PHKA1: variants seen among roughly 807,000 people sequenced by gnomAD.
PHKA1 encodes phosphorylase b kinase regulatory subunit alpha, skeletal muscle isoform.
Under a neutral mutation model 110.2 loss-of-function variants are expected in PHKA1, and 60 were observed. The observed-to-expected ratio is 0.54, with a 90% confidence interval of 0.44 to 0.68. The LOEUF is 0.68. Among genes scored for constraint, PHKA1 ranks in the 30% least tolerant of loss-of-function variants. The pLI is 0.00. For synonymous variants in PHKA1, 316 were observed against 333.6 expected (o/e 0.95, Z 0.58); for missense variants, 801 against 942.5 (o/e 0.85, Z 1.97).
rs566157633 is a variant in PHKA1, at chrX:72,659,370, C to T, written c.865-1729G>A. ...ATCCTCCCTGCCCCAGTCAAATCAA[C>T]CACTTCTCCAAGGAGCCCTAAGTCC... On this transcript the variant is annotated intron_variant, in intron 8 of 31. Transcript: ENST00000373542. 4.3e-4 allele frequency among the ~76,000 whole-genome samples: 48 copies of T among 111,387 alleles called. No homozygotes were observed. The South Asian group carries it at 9.3e-3, about 22-fold the overall frequency.
At chrX:72,653,611 G>T in intron 10 of PHKA1, 81 bp from the exon 11 acceptor site, 1 of 618,890 alleles carries the variant, frequency 1.6e-6, no homozygotes, top group Non-Finnish European at 2.7e-6. Flanking sequence ...AGCCAAAGAA[G>T]GTCCTATTGC....
chrX:72,663,501 T>C (rs1443215139), intron 8 of PHKA1, among the ~76,000 whole-genome samples: 1 of 111,183 alleles, frequency 9.0e-6, no homozygotes, highest in African/African-American at 3.3e-5. Flanking sequence ...GGGAAAAATA[T>C]GGATATCCAG....
intron 14 of PHKA1, 90 bp downstream of exon 14, chrX:72,644,272 G>T: frequency 1.0e-6 from 1 of 979,243 alleles, no homozygotes; most frequent in Non-Finnish European, 1.4e-6. Context: ...GCTTAATAAA[G>T]CAATACACAA....
chrX:72,602,252 A>T lies in PHKA1; in HGVS notation c.2939T>A (p.Val980Asp). 8.4e-7 allele frequency: 1 copy of T among 1,185,065 alleles called. No individual in the cohort carries two copies. The highest frequency in any genetic ancestry group is 1.1e-6 in the Non-Finnish European group (1 of 871,322). The change falls in exon 27 of 32, where the codon GTC becomes GAC. Residue 980 changes from valine to aspartate, a missense_variant. Around this residue, in one of 2 missense-constraint regions of PHKA1, gnomAD observed 502 missense variants for 519.2 expected, o/e 0.97. Transcript: ENST00000373542. ...CTCGTGGATAGAAATAGCAGGACTG[A>T]CATTTGAATCAGTGGGACGAACTAT... ...ERSVRPTDSN[V>D]SPAISIHEIG...
At chrX:72,669,279 T>C (rs1237829032) in intron 6 of PHKA1, among the ~76,000 whole-genome samples, 3 of 112,065 alleles carry the variant, frequency 2.7e-5, no homozygotes, top group Non-Finnish European at 5.6e-5. Flanking sequence ...AGTGTTGCTC[T>C]AGCGGGGGCT....
chrX:72,605,428 A>C, intron 24 of PHKA1, 28 bp from the exon 25 acceptor site: 1 of 1,202,315 alleles, frequency 8.3e-7, no homozygotes, highest in Non-Finnish European at 1.1e-6. Flanking sequence ...ATAGACAAAA[A>C]TAATGGCCTA....
At position 72,612,675 on chromosome X, in the gene PHKA1, T is replaced by A. The variant is rs782445180; in HGVS notation, c.2370-1491A>T. Among the ~76,000 whole-genome samples the A allele has an allele frequency of 5.4e-5, 6 of 111,582 alleles. No homozygotes were observed. In the South Asian group the frequency reaches 2.3e-3, roughly 43 times the overall value. On this transcript the variant is annotated intron_variant, in intron 21 of 31. Transcript: ENST00000373542. ...ACACAATTATTCAGAAAATATGAAG[T>A]AGATCTAGATTGTGGTAATATATTT...
At chrX:72,631,909 G>C (rs1556288542) in intron 16 of PHKA1, among the ~76,000 whole-genome samples, 1 of 111,678 alleles carries the variant, frequency 9.0e-6, no homozygotes, top group African/African-American at 3.2e-5. Context: ...ATATGATTTT[G>C]ACCAAATCTC....
intron 9 of PHKA1, 82 bp from the exon 10 acceptor site, chrX:72,656,324 T>C (rs2053497156): frequency 1.0e-6 from 1 of 1,004,099 alleles, no homozygotes; most frequent in African/African-American, 1.9e-5. Flanking sequence ...ATACGGGTTT[T>C]CATTACTGAT....
At position 72,650,386 on chromosome X, in the gene PHKA1, A is replaced by G. The variant is rs782497578; in HGVS notation, c.1324+4T>C. On this transcript the variant is annotated splice_donor_region_variant and intron_variant, in intron 13 of 31. Coordinates refer to ENST00000373542, the MANE Select transcript of PHKA1 (RefSeq NM_002637.4). ...TTTCTTCCACTGGGAATAAGAATAC[A>G]TACCTTGAACCACAACATCGGGCTT... is the stretch of plus-strand genomic sequence containing the variant. 8.3e-7 allele frequency: 1 copy of G among 1,202,142 alleles called. No individual in the cohort carries two copies. Among genetic ancestry groups the G allele is most frequent in the Admixed American group, 2.2e-5 (1 of 46,038 alleles).
rs782775764 is a variant in PHKA1 at position 72,593,398 on chromosome X, G to A, written c.3073-124C>T. 2.1e-4 allele frequency: 108 copies of A among 518,499 alleles called. 1 individual carries two copies. Among genetic ancestry groups the A allele is most frequent in the African/African-American group, 2.0e-3 (84 of 41,801 alleles). The allele number at this position is 518,499 out of a possible 1,213,427, so 42.7% of individuals were successfully genotyped here. ...GTCGCCCAGGCTGGAGTGCAGTGGCGTGGCGCAATCTCGGCTCACTGCAAG... is the reference window on the plus strand; with the variant it reads ...GTCGCCCAGGCTGGAGTGCAGTGGCATGGCGCAATCTCGGCTCACTGCAAG... On this transcript the variant is annotated intron_variant, in intron 28 of 31. Transcript: ENST00000373542.
In PHKA1 at chrX:72,629,185, A is replaced by G. The variant is rs2053130457; in HGVS notation, c.1715-2136T>C. On this transcript the variant is annotated intron_variant, in intron 16 of 31. Coordinates refer to ENST00000373542, the MANE Select transcript of PHKA1 (RefSeq NM_002637.4). Reference sequence around the variant, plus strand: ...TTTTATTATTATTGGGAATTGCCTGAATTGATATAATGAAAGTGGGTAATT... The same window carrying G: ...TTTTATTATTATTGGGAATTGCCTGGATTGATATAATGAAAGTGGGTAATT... 7.2e-5 allele frequency among the ~76,000 whole-genome samples: 8 copies of G among 111,524 alleles called. No individual in the cohort carries two copies. The Admixed American group carries it at 7.6e-4, about 11-fold the overall frequency.
At chrX:72,635,506 C>A (rs782192612) in intron 15 of PHKA1, among the ~76,000 whole-genome samples, 1 of 111,434 alleles carries the variant, frequency 9.0e-6, no homozygotes, top group Admixed American at 9.5e-5. Flanking sequence ...CTGCAGTTTA[C>A]GAAGTATTTT....
intron 28 of PHKA1, among the ~76,000 whole-genome samples, chrX:72,593,978 A>C (rs782587436): frequency 1.8e-4 from 20 of 111,999 alleles, no homozygotes; most frequent in Non-Finnish European, 3.4e-4. Flanking sequence ...TATGTTCTCT[A>C]ACCACAACAG....
chrX:72,685,404 G>A (rs1296773469), intron 4 of PHKA1, among the ~76,000 whole-genome samples: 2 of 111,465 alleles, frequency 1.8e-5, no homozygotes, highest in Non-Finnish European at 3.8e-5. Flanking sequence ...TATCTTTGGT[G>A]GTGAGATTCA....
At chrX:72,644,666 A>C (rs1556296681) in intron 13 of PHKA1, among the ~76,000 whole-genome samples, 170 bp from the exon 14 acceptor site, 1 of 112,355 alleles carries the variant, frequency 8.9e-6, no homozygotes, top group African/African-American at 3.2e-5. Flanking sequence ...AATATTATCT[A>C]AAAGGAAAAG....
At chrX:72,671,260 A>G (rs1226926393) in intron 6 of PHKA1, among the ~76,000 whole-genome samples, 13 of 111,494 alleles carry the variant, frequency 1.2e-4, no homozygotes, top group Non-Finnish European at 1.9e-4. Flanking sequence ...AAATCAATGT[A>G]CAAAAATCAC....
chrX:72,592,952 G>T lies in PHKA1; in HGVS notation c.3243+152C>A, dbSNP rs782591584. The T allele has an allele frequency of 1.1e-5, 5 of 472,268 alleles. No individual in the cohort carries two copies. The South Asian group carries it at 1.3e-4, about 12-fold the overall frequency. The allele number at this position is 472,268 out of a possible 1,213,427, so 38.9% of individuals were successfully genotyped here. On this transcript the variant is annotated intron_variant, in intron 29 of 31. Coordinates refer to ENST00000373542, the MANE Select transcript of PHKA1 (RefSeq NM_002637.4). ...ATAATGCCACAATAACAAATCAACT[G>T]TTTCATTTTTATGTTTTCTTCTTGG...
At chrX:72,630,190 T>C (rs2053143364) in intron 16 of PHKA1, among the ~76,000 whole-genome samples, 1 of 108,447 alleles carries the variant, frequency 9.2e-6, no homozygotes, top group Non-Finnish European at 1.9e-5. Flanking sequence ...AGCTGGAGAT[T>C]GCAGTGAGCT....
Sources: gnomAD v4.1 joint callset for allele counts (sites outside exome capture counted in the v4.1 genomes callset) on GRCh38, gnomAD v4.1.1 for gene constraint, gnomAD v4.1.1 regional missense constraint, MANE v1.5 for transcripts, NCBI Gene and HGNC (gene_info 2026-07-23, HGNC 2026-07-21) for gene names.